ULK2: variants seen among roughly 807,000 people sequenced by gnomAD.
The protein encoded by ULK2 is serine/threonine-protein kinase ULK2.
In ULK2, 76 loss-of-function variants were observed where a neutral mutation model predicts 127.5. The observed-to-expected ratio is 0.60, with a 90% CI of 0.50 to 0.72. ULK2 has a LOEUF of 0.72. Among genes scored for constraint, ULK2 ranks in the 30% least tolerant of loss-of-function variants. The probability of loss-of-function intolerance (pLI) is 0.00; values close to 1 mark genes in which losing one functional copy is unlikely to be tolerated. For missense variants in ULK2, 1,144 were observed against 1,295.9 expected (o/e 0.88, Z 1.80); for synonymous variants, 452 against 461.9 (o/e 0.98, Z 0.28).
At position 19,845,380 on chromosome 17, in the gene ULK2, A is replaced by G. The variant is rs764495006; in HGVS notation, c.470-3T>C. The stretch of plus-strand genomic sequence containing the variant: ...GTAACGAGCAAAACCAAAATCCGCT[A>G]TTTCACAAAACAGAAAGTAGAAAAG... On this transcript the variant is annotated splice_polypyrimidine_tract_variant and splice_region_variant and intron_variant, in intron 6 of 26. Transcript: ENST00000395544. 6.2e-7 allele frequency: 1 copy of G among 1,613,188 alleles called. No individual in the cohort carries two copies. The highest frequency in any genetic ancestry group is 8.5e-7 in the Non-Finnish European group (1 of 1,179,202).
intron 18 of ULK2, 137 bp from the exon 19 acceptor site, chr17:19,796,419 A>C: frequency 1.3e-6 from 1 of 797,726 alleles, no homozygotes; most frequent in Non-Finnish European, 1.8e-6. Context: ...AATTGTAGAA[A>C]GATGCAAACC....
chr17:19,857,103 C>T (rs1207756001), intron 3 of ULK2, among the ~76,000 whole-genome samples: 4 of 151,032 alleles, frequency 2.6e-5, no homozygotes, highest in Non-Finnish European at 4.4e-5. Context: ...GTCGGGAGTT[C>T]GAGACCAGGC....
intron 3 of ULK2, among the ~76,000 whole-genome samples, chr17:19,852,472 G>A (rs9914344): frequency 7.7e-5 from 10 of 130,512 alleles, no homozygotes; most frequent in African/African-American, 2.9e-4. Context: ...AGTGAGCCGA[G>A]ATCACCACTG....
chr17:19,802,731 A>G (rs2087426555), intron 15 of ULK2, among the ~76,000 whole-genome samples: 2 of 152,212 alleles, frequency 1.3e-5, no homozygotes, highest in South Asian at 4.1e-4. Context: ...GGTCGTTGCT[A>G]AAAGGTTGGC....
intron 12 of ULK2, among the ~76,000 whole-genome samples, chr17:19,820,223 A>AT (rs2041104363): frequency 6.6e-6 from 1 of 151,764 alleles, no homozygotes; most frequent in African/African-American, 2.4e-5. Context: ...TAATTTTTGT[A>AT]TTTTTAGTAG....
intron 14 of ULK2, among the ~76,000 whole-genome samples, chr17:19,809,841 G>T (rs2087594881): frequency 6.6e-6 from 1 of 151,640 alleles, no homozygotes; most frequent in Non-Finnish European, 1.5e-5. Context: ...GGAGGCGGTG[G>T]TTGCAGTGAG....
chr17:19,816,956 T>C (rs886957780), intron 12 of ULK2, 36 bp from the exon 13 acceptor site: 2 of 1,570,582 alleles, frequency 1.3e-6, no homozygotes, highest in African/African-American at 2.8e-5. Context: ...ACTGGTCTAA[T>C]AATCAAATGC....
rs905721459 is a variant in ULK2 at position 19,814,642 on chromosome 17, G to T, written c.1096+2107C>A. Among the ~76,000 whole-genome samples, 4 of 151,596 alleles carry T rather than the reference G, an allele frequency of 2.6e-5. No homozygotes were observed. The South Asian group carries it at 8.4e-4, about 32-fold the overall frequency. ...GCCCTGGCTGGTCTTGAACTTGGGGGTTCATGCGATCCTCCCACTTCAGCC... is the reference window on the plus strand; with the variant it reads ...GCCCTGGCTGGTCTTGAACTTGGGGTTTCATGCGATCCTCCCACTTCAGCC... On this transcript the variant is annotated intron_variant, in intron 13 of 26. Coordinates refer to ENST00000395544, the MANE Select transcript of ULK2 (RefSeq NM_014683.4).
chr17:19,777,741 A>G lies in ULK2; in HGVS notation c.2917-25T>C, dbSNP rs369385508. On this transcript the variant is annotated intron_variant, in intron 25 of 26. Coordinates refer to ENST00000395544, the MANE Select transcript of ULK2 (RefSeq NM_014683.4). Reference sequence around the variant, plus strand: ...CCTGGAACCAGTCAACAAAAACACAATTCTCTCAATTTTTCCAAGAAAATA... The same window carrying G: ...CCTGGAACCAGTCAACAAAAACACAGTTCTCTCAATTTTTCCAAGAAAATA... 7.0e-6 allele frequency: 11 copies of G among 1,579,208 alleles called. 1 individual carries two copies. The highest frequency in any genetic ancestry group is 5.8e-5 in the South Asian group (5 of 85,742).
Position 19,797,553 on chromosome 17 carries a change from C to A in ULK2, c.1652G>T (p.Cys551Phe). ...KLRKQHSDPV[C>F]PSHTGAGYSY... ...GTACCCAGCCCCAGTATGGGATGGG[C>A]ACACGGGGTCAGAGTGCTGTTTTCT... Residue 551 changes from cysteine to phenylalanine, a missense_variant, in exon 18 of 27, where the codon TGC becomes TTC. This residue lies in a region of ULK2 where 913 missense variants were observed against 970.5 expected (regional missense o/e 0.94). Transcript: ENST00000395544. 1 of 1,613,868 alleles carries A rather than the reference C, an allele frequency of 6.2e-7. No homozygotes were observed. Among genetic ancestry groups the A allele is most frequent in the Non-Finnish European group, 8.5e-7 (1 of 1,180,006 alleles).
chr17:19,856,732 G>A (rs1185336369), intron 3 of ULK2, among the ~76,000 whole-genome samples: 3 of 151,694 alleles, frequency 2.0e-5, no homozygotes, highest in African/African-American at 7.3e-5. Flanking sequence ...CAGCACTTTG[G>A]GTGGCCGAGG....
intron 3 of ULK2, among the ~76,000 whole-genome samples, chr17:19,851,297 A>G (rs943838674): frequency 1.4e-5 from 2 of 141,970 alleles, no homozygotes; most frequent in African/African-American, 5.6e-5. Context: ...ACTGCACTCC[A>G]GCCTGGGCAA....
chr17:19,794,552 G>C (rs758775875), intron 20 of ULK2, among the ~76,000 whole-genome samples: 1 of 152,130 alleles, frequency 6.6e-6, no homozygotes, highest in African/African-American at 2.4e-5. Flanking sequence ...CTCACCTACA[G>C]AGAACAAGGG....
At chr17:19,851,938 C>G (rs957343766) in intron 3 of ULK2, among the ~76,000 whole-genome samples, 1 of 145,316 alleles carries the variant, frequency 6.9e-6, no homozygotes, top group Non-Finnish European at 1.5e-5. Context: ...CCCAACTACT[C>G]AGGAGGCTGA....
At chr17:19,844,003 T>C (rs961549967) in intron 7 of ULK2, among the ~76,000 whole-genome samples, 2 of 152,078 alleles carry the variant, frequency 1.3e-5, no homozygotes, top group Non-Finnish European at 2.9e-5. Flanking sequence ...CATGGCAAAA[T>C]GTTAACTTTG....
intron 21 of ULK2, among the ~76,000 whole-genome samples, chr17:19,785,130 T>A (rs975036659): frequency 6.6e-6 from 1 of 152,104 alleles, no homozygotes; most frequent in Non-Finnish European, 1.5e-5. Context: ...AAATGATAAA[T>A]CTATTAGCCT....
In ULK2 at chr17:19,772,806, C is replaced by CAT. The variant is rs2086754772; in HGVS notation, c.*3542_*3543insAT. ...ACCATCCTAACACGGTGAAACCCTG[C>CAT]CTCTACTAAAAAATACAAAAAATCA... On this transcript the variant is annotated 3_prime_UTR_variant, in exon 27 of 27. Coordinates refer to ENST00000395544, the MANE Select transcript of ULK2 (RefSeq NM_014683.4). 1 of 151,372 alleles carries CAT rather than the reference C, an allele frequency of 6.6e-6. No homozygotes were observed. The highest frequency in any genetic ancestry group is 2.0e-4 in the East Asian group (1 of 5,084). 9.4% of individuals were successfully genotyped at this position (151,372 alleles called of 1,614,324 possible). A position where few individuals can be genotyped will look rare whatever the true frequency, so the allele number is the denominator to read the frequency against.
intron 25 of ULK2, among the ~76,000 whole-genome samples, chr17:19,779,324 A>G (rs1391239142): frequency 1.3e-5 from 2 of 152,044 alleles, no homozygotes; most frequent in Admixed American, 6.6e-5. Context: ...TGAGGTCAAG[A>G]GTTCAAGACC....
chr17:19,781,158 G>A, intron 23 of ULK2, 54 bp from the exon 24 acceptor site: 2 of 1,490,614 alleles, frequency 1.3e-6, no homozygotes, highest in South Asian at 2.3e-5. Flanking sequence ...TGTAAGATGT[G>A]GCACTCTACA....
Sources: allele counts gnomAD v4.1 joint callset (sites outside exome capture counted in the v4.1 genomes callset), GRCh38; gene constraint gnomAD v4.1.1; regional missense constraint gnomAD v4.1.1; transcripts MANE v1.5; gene names NCBI Gene and HGNC (gene_info 2026-07-23, HGNC 2026-07-21).